FANCB: variants seen among roughly 807,000 people sequenced by gnomAD.
FANCB encodes FA complementation group B.
Under a neutral mutation model 38.9 loss-of-function variants are expected in FANCB, and 5 were observed. The observed-to-expected ratio is 0.13, with a 90% CI of 0.07 to 0.27. FANCB has a LOEUF of 0.27. FANCB is among the 10% of genes least tolerant of loss of function. The probability of loss-of-function intolerance (pLI) is 1.00; values close to 1 mark genes in which losing one functional copy is unlikely to be tolerated. For synonymous variants in FANCB, 236 were observed against 215.4 expected, an observed-to-expected ratio of 1.10 and a Z score of -0.84; for missense variants, 573 against 602.7, an observed-to-expected ratio of 0.95 and a Z score of 0.52.
At chrX:14,822,117 G>A in the FANCB span, among the ~76,000 whole-genome samples, 22 of 111,196 alleles carry the variant, frequency 2.0e-4, 1 homozygote, top group Non-Finnish European at 3.6e-4. Context: ...GACCTTTAAG[G>A]AGCGCCAAGA....
At chrX:14,742,049 C>CT in the FANCB span, among the ~76,000 whole-genome samples, 1 of 111,760 alleles carries the variant, frequency 8.9e-6, no homozygotes, top group Non-Finnish European at 1.9e-5. Context: ...CATCTGTAAT[C>CT]TTTTTTGCCT....
the FANCB span, among the ~76,000 whole-genome samples, chrX:14,805,058 A>C: frequency 0.014 from 1,573 of 111,550 alleles, 25 homozygotes; most frequent in African/African-American, 0.042. Context: ...TGGCTTTTGG[A>C]TATGTCCCCT....
At chrX:14,831,153 A>G (rs899387825), downstream of FANCB, among the ~76,000 whole-genome samples, 1 of 112,186 alleles carries the variant, frequency 8.9e-6, no homozygotes, top group Admixed American at 9.4e-5. Flanking sequence ...TACTTTCTTA[A>G]AACTGTAATA....
chrX:14,732,046 C>G, the FANCB span, among the ~76,000 whole-genome samples: 1 of 110,064 alleles, frequency 9.1e-6, no homozygotes, highest in African/African-American at 3.3e-5. Flanking sequence ...CCCCGACCCC[C>G]CCGACAGGCC....
chrX:14,780,622 T>G, the FANCB span, among the ~76,000 whole-genome samples: 35 of 110,713 alleles, frequency 3.2e-4, 3 homozygotes, highest in African/African-American at 1.2e-3. Context: ...AAGAGCAAGA[T>G]AGTAATTATT....
At chrX:14,729,937 C>T in the FANCB span, among the ~76,000 whole-genome samples, 1 of 111,815 alleles carries the variant, frequency 8.9e-6, no homozygotes, top group Admixed American at 9.5e-5. Flanking sequence ...AAAGTCAGTA[C>T]TGAATATAAT....
At chrX:14,697,946 T>A in the FANCB span, among the ~76,000 whole-genome samples, 1 of 112,158 alleles carries the variant, frequency 8.9e-6, no homozygotes, top group East Asian at 2.8e-4. Context: ...TATAGAGTTG[T>A]AATGTCTGTC....
At position 14,865,238 on chromosome X, in the gene FANCB, G is replaced by C; in HGVS notation, c.273C>G (p.Leu91=). ...TATTTTTTTCTATCACAATGTAAGG[G>C]AGGTTAATTCCAGTTCTGAAATCTG... is the stretch of plus-strand genomic sequence containing the variant. The part of the protein sequence containing the change: ...CVSDFRTGIN[L]PYIVIEKNKK... Residue 91 remains leucine, a synonymous_variant, in exon 3 of 10, where the codon CTC becomes CTG. Transcript: ENST00000650831. 8.7e-7 allele frequency: 1 copy of C among 1,150,185 alleles called. No homozygotes were observed. The allele number at this position is 1,150,185 out of a possible 1,213,427, so 94.8% of individuals were successfully genotyped here.
chrX:14,717,928 G>C, the FANCB span, among the ~76,000 whole-genome samples: 2 of 111,166 alleles, frequency 1.8e-5, no homozygotes, highest in African/African-American at 6.5e-5. Flanking sequence ...ACAGAGGAGA[G>C]ATAGGCTGAT....
chrX:14,816,211 CAAAAT>C, the FANCB span, among the ~76,000 whole-genome samples: 2 of 111,337 alleles, frequency 1.8e-5, no homozygotes, highest in African/African-American at 6.5e-5. Context: ...TAAAATAAAA[CAAAAT>C]AATTTTAAAA....
chrX:14,871,853 C>T (rs2092499473), intron 1 of FANCB, among the ~76,000 whole-genome samples: 1 of 106,219 alleles, frequency 9.4e-6, no homozygotes, highest in African/African-American at 3.5e-5. Context: ...AGAAACAGTG[C>T]CAGGTACTGC....
chrX:14,817,465 G>A, the FANCB span, among the ~76,000 whole-genome samples: 1 of 111,582 alleles, frequency 9.0e-6, no homozygotes, highest in African/African-American at 3.3e-5. Context: ...TAGGGATAGG[G>A]AAGGTGTTAA....
chrX:14,771,006 TTA>T, the FANCB span, among the ~76,000 whole-genome samples: 5 of 111,951 alleles, frequency 4.5e-5, no homozygotes, highest in Non-Finnish European at 9.4e-5. Context: ...AGGTCCGCTG[TTA>T]GTCTGATGGG....
the FANCB span, among the ~76,000 whole-genome samples, chrX:14,694,678 T>C: frequency 8.9e-6 from 1 of 112,338 alleles, no homozygotes; most frequent in African/African-American, 3.2e-5. Context: ...TTCTTTCATT[T>C]GTTCCACAAA....
the FANCB span, among the ~76,000 whole-genome samples, chrX:14,742,484 T>C: frequency 8.9e-6 from 1 of 111,954 alleles, no homozygotes; most frequent in Non-Finnish European, 1.9e-5. Flanking sequence ...CAGAAGATAG[T>C]GTAAAATATA....
chrX:14,789,167 C>A, the FANCB span, among the ~76,000 whole-genome samples: 1 of 111,832 alleles, frequency 8.9e-6, no homozygotes, highest in Admixed American at 9.6e-5. Context: ...CTTGTCAAAG[C>A]CAAACAGTGA....
the FANCB span, among the ~76,000 whole-genome samples, chrX:14,789,617 G>A: frequency 8.9e-6 from 1 of 111,995 alleles, no homozygotes; most frequent in African/African-American, 3.2e-5. Flanking sequence ...ATGATGAGTC[G>A]TCATGCTCCC....
At chrX:14,812,445 A>G in the FANCB span, among the ~76,000 whole-genome samples, 673 of 112,084 alleles carry the variant, frequency 6.0e-3, 4 homozygotes, top group Non-Finnish European at 0.01. Flanking sequence ...AAAAGAGAGA[A>G]GAATCAAATA....
the FANCB span, among the ~76,000 whole-genome samples, chrX:14,821,074 T>G: frequency 8.9e-6 from 1 of 111,873 alleles, no homozygotes; most frequent in African/African-American, 3.2e-5. Context: ...GCCTAAAATA[T>G]TCTCTTCATT....
Sources: allele counts gnomAD v4.1 joint callset (sites outside exome capture counted in the v4.1 genomes callset), GRCh38; gene constraint gnomAD v4.1.1; transcripts MANE v1.5; gene names NCBI Gene and HGNC (gene_info 2026-07-23, HGNC 2026-07-21).